Variants in MYT1L observed in about 807,000 individuals in gnomAD.
MYT1L encodes myelin transcription factor 1 like.
Under a neutral mutation model 126.7 loss-of-function variants are expected in MYT1L, and 12 were observed. That is an observed-to-expected ratio of 0.09 (90% CI 0.06 to 0.15). MYT1L has a LOEUF of 0.15. Among genes scored for constraint, MYT1L ranks in the 10% least tolerant of loss-of-function variants. The pLI is 1.00. For missense variants in MYT1L, 979 were observed against 1,585.2 expected (o/e 0.62, Z 6.49); for synonymous variants, 541 against 604.2 (o/e 0.90, Z 1.53).
Position 2,263,783 on chromosome 2 carries a change from G to C in MYT1L, c.-421+20621C>G, listed in dbSNP as rs553093637. ...TGGGAGCTGCTAGTTGGAGGGGCCA[G>C]TGACTGTACCCATTTGCTGGACGTC... is the stretch of plus-strand genomic sequence containing the variant. On this transcript the variant is annotated intron_variant, in intron 2 of 24. Coordinates refer to ENST00000647738, the MANE Select transcript of MYT1L (RefSeq NM_001303052.2). Among the ~76,000 whole-genome samples the C allele has an allele frequency of 2.2e-3, 340 of 152,258 alleles. 3 individuals carry two copies. Among genetic ancestry groups the C allele is most frequent in the African/African-American group, 7.7e-3 (322 of 41,558 alleles).
rs560132831 is a variant in MYT1L, at chr2:1,828,456, T to C, written c.3080+10693A>G. ...GACCCTAAACACCTCCCTCTTGGGA[T>C]CCTCCACGTTCTCTTCCTCTCTCTG... is the stretch of plus-strand genomic sequence containing the variant. On this transcript the variant is annotated intron_variant, in intron 21 of 24. Transcript: ENST00000647738. 7.9e-5 allele frequency: 12 copies of C among 152,272 alleles called. No individual in the cohort carries two copies. The South Asian group carries it at 2.5e-3, about 32-fold the overall frequency. The allele number at this position is 152,272 out of a possible 1,614,324, so 9.4% of individuals were successfully genotyped here. A position where few individuals can be genotyped will look rare whatever the true frequency, so the allele number is the denominator to read the frequency against.
At chr2:2,243,363 C>T (rs1363413417) in intron 2 of MYT1L, among the ~76,000 whole-genome samples, 1 of 152,184 alleles carries the variant, frequency 6.6e-6, no homozygotes, top group African/African-American at 2.4e-5. Context: ...ACCTTCTATA[C>T]AAACTTATCT....
At chr2:2,289,819 C>A (rs2095572768) in intron 1 of MYT1L, among the ~76,000 whole-genome samples, 1 of 152,144 alleles carries the variant, frequency 6.6e-6, no homozygotes, top group Admixed American at 6.5e-5. Context: ...AGATGTGGAT[C>A]CAATTAATAG....
intron 19 of MYT1L, among the ~76,000 whole-genome samples, chr2:1,843,096 G>A (rs147620975): frequency 0.022 from 3,282 of 152,330 alleles, 46 homozygotes; most frequent in Middle Eastern, 0.065. Flanking sequence ...TCCTCGCTGG[G>A]CTCTCCCTGC....
chr2:2,116,380 T>C (rs1040434032), intron 3 of MYT1L, among the ~76,000 whole-genome samples: 2 of 152,206 alleles, frequency 1.3e-5, no homozygotes, highest in Non-Finnish European at 2.9e-5. Context: ...TTGCCTCTCT[T>C]CTCCATTCTC....
At chr2:1,992,687 A>G (rs2061537765) in intron 5 of MYT1L, among the ~76,000 whole-genome samples, 1 of 152,372 alleles carries the variant, frequency 6.6e-6, no homozygotes, top group East Asian at 1.9e-4. Flanking sequence ...CAAAGGCTGA[A>G]TTAGCTTTGG....
intron 14 of MYT1L, among the ~76,000 whole-genome samples, chr2:1,896,606 C>A (rs1375189107): frequency 1.3e-5 from 2 of 152,114 alleles, no homozygotes; most frequent in African/African-American, 4.8e-5. Context: ...AACTTTGTAC[C>A]ACATGTTCTT....
intron 21 of MYT1L, among the ~76,000 whole-genome samples, chr2:1,813,852 C>A (rs1182521729): frequency 1.8e-4 from 18 of 102,712 alleles, no homozygotes; most frequent in African/African-American, 6.4e-4. Flanking sequence ...ACGGTGAAAC[C>A]CCGTCTGTAC....
rs184023237 is a variant in MYT1L, at chr2:2,224,729, G to A, written c.-420-51741C>T. Among the ~76,000 whole-genome samples, 799 of 151,936 alleles carry A rather than the reference G, an allele frequency of 5.3e-3. 12 individuals carry two copies. The highest frequency in any genetic ancestry group is 0.032 in the South Asian group (156 of 4,816). On this transcript the variant is annotated intron_variant, in intron 2 of 24. Coordinates refer to ENST00000647738, the MANE Select transcript of MYT1L (RefSeq NM_001303052.2). The surrounding 1 kb of genome is among the most constrained non-coding windows in gnomAD (Gnocchi z 4.0). ...AGCTACTTGGGAAGCTGAGACAGGAGAATGACATGAACCCGGGAGGCGGAG... is the reference window on the plus strand; with the variant it reads ...AGCTACTTGGGAAGCTGAGACAGGAAAATGACATGAACCCGGGAGGCGGAG...
At chr2:2,240,005 A>G (rs922576474) in intron 2 of MYT1L, among the ~76,000 whole-genome samples, 1 of 152,040 alleles carries the variant, frequency 6.6e-6, no homozygotes, top group African/African-American at 2.4e-5. Context: ...TCTTTTATCA[A>G]ATAAAAGGTA....
At chr2:1,976,753 C>T (rs557540585) in intron 8 of MYT1L, among the ~76,000 whole-genome samples, 1 of 152,336 alleles carries the variant, frequency 6.6e-6, no homozygotes, top group South Asian at 2.1e-4. Flanking sequence ...AGGGACACTT[C>T]TTAAGTTTAA....
At chr2:2,124,456 T>C (rs769629116) in intron 3 of MYT1L, among the ~76,000 whole-genome samples, 1 of 151,978 alleles carries the variant, frequency 6.6e-6, no homozygotes. Flanking sequence ...CCACCACACC[T>C]GGCTGATTTT....
At chr2:1,983,527 T>C (rs562938996) in intron 5 of MYT1L, among the ~76,000 whole-genome samples, 5 of 152,348 alleles carry the variant, frequency 3.3e-5, no homozygotes, top group African/African-American at 1.2e-4. Flanking sequence ...CACCTGATGG[T>C]GTGTGGTCCT....
intron 2 of MYT1L, among the ~76,000 whole-genome samples, chr2:2,178,606 G>A (rs760555528): frequency 6.6e-6 from 1 of 152,178 alleles, no homozygotes; most frequent in Non-Finnish European, 1.5e-5. Flanking sequence ...TGTCCCCTCA[G>A]GGTCTGCTGT....
At chr2:2,304,685 C>T (rs746606699) in intron 1 of MYT1L, among the ~76,000 whole-genome samples, 1 of 152,216 alleles carries the variant, frequency 6.6e-6, no homozygotes, top group Non-Finnish European at 1.5e-5. Flanking sequence ...AGGCAACACA[C>T]AAATGAATGG....
chr2:1,821,185 A>G (rs1190961849), intron 21 of MYT1L, among the ~76,000 whole-genome samples: 1 of 152,204 alleles, frequency 6.6e-6, no homozygotes, highest in East Asian at 1.9e-4. Context: ...TGAAAACTCA[A>G]GATCTCTGCC....
At chr2:1,802,026 C>T (rs149126771) in intron 22 of MYT1L, 403 of 445,646 alleles carry the variant, frequency 9.0e-4, no homozygotes, top group African/African-American at 7.1e-3. Context: ...ACAATTGAGA[C>T]GCACAGAAGA....
At position 2,262,932 on chromosome 2, in the gene MYT1L, A is replaced by ATATATATATATATATATATATATAT. The variant is rs1553610292; in HGVS notation, c.-421+21471_-421+21472insATATATATATATATATATATATATA. Among the ~76,000 whole-genome samples, 7 of 41,206 alleles carry ATATATATATATATATATATATATAT rather than the reference A, an allele frequency of 1.7e-4. No individual in the cohort carries two copies. The East Asian group carries it at 6.1e-3, about 36-fold the overall frequency. The allele number at this position is 41,206 out of a possible 152,430, so 27.0% of individuals were successfully genotyped here. A position where few individuals can be genotyped will look rare whatever the true frequency, so the allele number is the denominator to read the frequency against. On this transcript the variant is annotated intron_variant, in intron 2 of 24. Coordinates refer to ENST00000647738, the MANE Select transcript of MYT1L (RefSeq NM_001303052.2). ...GAGGCACAAATATATATATATATATAACCTGTGATATATATATATATATCA... is the reference window on the plus strand; with the variant it reads ...GAGGCACAAATATATATATATATATATATATATATATATATATATATATATACCTGTGATATATATATATATATCA...
At chr2:1,907,119 T>A (rs963768695) in intron 13 of MYT1L, among the ~76,000 whole-genome samples, 17 of 147,666 alleles carry the variant, frequency 1.2e-4, no homozygotes, top group African/African-American at 4.0e-4. Context: ...CTCTAAAAAT[T>A]TTTTTTTTAA....
Sources: gnomAD v4.1 joint callset for allele counts (sites outside exome capture counted in the v4.1 genomes callset) on GRCh38, gnomAD v4.1.1 for gene constraint, Gnocchi (gnomAD v3.1) non-coding constraint, MANE v1.5 for transcripts, NCBI Gene and HGNC (gene_info 2026-07-23, HGNC 2026-07-21) for gene names.